SUGP2: variants seen among roughly 807,000 people sequenced by gnomAD.
SUGP2 encodes SURP and G-patch domain containing 2, also known as SURP and G-patch domain-containing protein 2.
Under a neutral mutation model 90.5 loss-of-function variants are expected in SUGP2, and 24 were observed. The ratio of observed to expected loss-of-function variants is 0.27; its 90% CI spans 0.19 to 0.37. SUGP2 has a LOEUF of 0.37. SUGP2 is among the 10% of genes least tolerant of loss of function. SUGP2 has a pLI of 1.00. For missense variants in SUGP2, 1,233 were observed against 1,363.3 expected, an observed-to-expected ratio of 0.90 and a Z score of 1.51; for synonymous variants, 473 against 513.4, an observed-to-expected ratio of 0.92 and a Z score of 1.06.
At chr19:19,033,705 C>G (rs1474295126), upstream of SUGP2, 2 of 273,036 alleles carry the variant, frequency 7.3e-6, no homozygotes, top group African/African-American at 4.5e-5. Flanking sequence ...CGTGAGCGTC[C>G]CGGAAGGGGC....
At chr19:19,021,922 C>T (rs1474575143) in intron 3 of SUGP2, among the ~76,000 whole-genome samples, 2 of 152,146 alleles carry the variant, frequency 1.3e-5, no homozygotes, top group African/African-American at 4.8e-5. Context: ...GCTTCAGCTT[C>T]CCAAAGTGTT....
At chr19:19,000,942 C>T (rs1426302585) in intron 8 of SUGP2, among the ~76,000 whole-genome samples, 2 of 151,780 alleles carry the variant, frequency 1.3e-5, no homozygotes, top group East Asian at 1.9e-4. Context: ...TGGACTCAAG[C>T]GATCTGCCCA....
At chr19:19,008,529 G>T in intron 5 of SUGP2, 101 bp from the exon 6 acceptor site, 1 of 904,956 alleles carries the variant, frequency 1.1e-6, no homozygotes, top group Non-Finnish European at 1.8e-6. Flanking sequence ...TGGCCTGCAT[G>T]TCCCCTCCCT....
At chr19:19,015,511 C>CT (rs1310803096) in intron 4 of SUGP2, among the ~76,000 whole-genome samples, 6 of 151,700 alleles carry the variant, frequency 4.0e-5, no homozygotes, top group East Asian at 1.9e-4. Context: ...AATTCCTTCT[C>CT]TTTTTTTTGA....
intron 4 of SUGP2, 98 bp from the exon 5 acceptor site, chr19:19,010,440 TCA>T: frequency 6.8e-7 from 1 of 1,472,350 alleles, no homozygotes; most frequent in South Asian, 1.3e-5. Flanking sequence ...GGCCAACTCC[TCA>T]CTGTCCTCTC....
chr19:19,011,421 T>C (rs1015394697), intron 4 of SUGP2, among the ~76,000 whole-genome samples: 3 of 152,026 alleles, frequency 2.0e-5, no homozygotes, highest in African/African-American at 7.2e-5. Flanking sequence ...GTGCTGGGAT[T>C]ACAGGTGTGA....
In SUGP2 at chr19:19,022,922, G is replaced by C. The variant is rs750564800; in HGVS notation, c.1729+1697C>G. On this transcript the variant is annotated intron_variant, in intron 3 of 10. Coordinates refer to ENST00000452918, the MANE Select transcript of SUGP2 (RefSeq NM_001017392.5). ...ATGGAAGGTGAAAACCACATCGTGG[G>C]AAAAGTGCTTTCTCCCTATCACAAG... Among the ~76,000 whole-genome samples, 3 of 152,266 alleles carry C rather than the reference G, an allele frequency of 2.0e-5. No individual in the cohort carries two copies. In the East Asian group the frequency reaches 5.8e-4, roughly 29 times the overall value.
At chr19:18,996,742 G>T (rs1317169433) in intron 8 of SUGP2, among the ~76,000 whole-genome samples, 1 of 152,166 alleles carries the variant, frequency 6.6e-6, no homozygotes, top group Non-Finnish European at 1.5e-5. Context: ...AGTAGAGACG[G>T]GGTTTCGCCA....
chr19:19,001,451 T>A (rs544560085), intron 8 of SUGP2, among the ~76,000 whole-genome samples, 162 bp downstream of exon 8: 24 of 152,354 alleles, frequency 1.6e-4, no homozygotes, highest in Non-Finnish European at 1.5e-5. Flanking sequence ...AAAACAGTTT[T>A]CAAAAGCCCT....
intron 8 of SUGP2, among the ~76,000 whole-genome samples, chr19:19,000,162 G>A (rs974480809): frequency 2.6e-5 from 4 of 152,134 alleles, no homozygotes; most frequent in African/African-American, 4.8e-5. Context: ...ACCACCCCCC[G>A]GATTCCTCTG....
intron 2 of SUGP2, 21 bp downstream of exon 2, chr19:19,030,930 A>T: frequency 1.2e-6 from 2 of 1,601,792 alleles, no homozygotes; most frequent in South Asian, 1.1e-5. Context: ...CAACAACTAC[A>T]ACAACAACAC....
Position 19,009,905 on chromosome 19 carries a change from A to C in SUGP2, c.2288T>G (p.Val763Gly), listed in dbSNP as rs1470870308. The change falls in exon 5 of 11, where the codon GTG becomes GGG. Residue 763 changes from valine (V) to glycine (G), a missense_variant. This residue lies in a region of SUGP2 where 540 missense variants were observed against 542.6 expected (regional missense o/e 1.00). Transcript: ENST00000452918. The stretch of plus-strand genomic sequence containing the variant: ...GGTCTGAGGTGCTTCAGAGATGTCC[A>C]CTCCTGCTGGCTTGGGGGATGGGCC... ...ASGPSPKPAG[V>G]DISEAPQTSS... The C allele has an allele frequency of 8.7e-6, 14 of 1,613,640 alleles. No homozygotes were observed. The highest frequency in any genetic ancestry group is 1.2e-5 in the Non-Finnish European group (14 of 1,179,908).
At chr19:19,000,054 C>CT (rs2057769914) in intron 8 of SUGP2, among the ~76,000 whole-genome samples, 1 of 152,218 alleles carries the variant, frequency 6.6e-6, no homozygotes, top group Admixed American at 6.5e-5. Flanking sequence ...CCACAGGCTG[C>CT]TCTCCACCCT....
chr19:19,008,554 C>T (rs918459879), intron 5 of SUGP2, 126 bp from the exon 6 acceptor site: 55 of 760,202 alleles, frequency 7.2e-5, no homozygotes, highest in Admixed American at 2.6e-4. Flanking sequence ...CCTTGCCCTT[C>T]GTCACATGTG....
chr19:19,033,815 C>A (rs2059296176), upstream of SUGP2: 2 of 257,220 alleles, frequency 7.8e-6, no homozygotes, highest in Non-Finnish European at 1.5e-5. Flanking sequence ...CTCTGGGAGG[C>A]CAAGCCTAGG....
rs552329808 is a variant in SUGP2, at chr19:19,017,720, C to T, written c.1850+1389G>A. On this transcript the variant is annotated intron_variant, in intron 4 of 10. Coordinates refer to ENST00000452918, the MANE Select transcript of SUGP2 (RefSeq NM_001017392.5). ...CTGGGAAACAGAGGTTGTAGTGAGC[C>T]GAGATCACACCACTATACTCCAGCC... Among the ~76,000 whole-genome samples the T allele has an allele frequency of 1.5e-4, 22 of 150,648 alleles. No homozygotes were observed. The South Asian group carries it at 4.0e-3, about 27-fold the overall frequency.
At position 19,031,017 on chromosome 19, in the gene SUGP2, C is replaced by G. The variant is rs1395696432; in HGVS notation, c.55G>C (p.Ala19Pro). ...ETFDAVLQEKAKRYHMDASGE... is the reference protein window; with the variant it reads ...ETFDAVLQEKPKRYHMDASGE... The stretch of plus-strand genomic sequence containing the variant: ...CTGGCATCCATGTGATATCGTTTGG[C>G]TTTTTCTTGTAATACAGCATCAAAA... The change falls in exon 2 of 11, where the codon GCC becomes CCC. Residue 19 changes from alanine (A) to proline (P), a missense_variant. By Grantham distance (27) the Ala-to-Pro change is conservative. Around this residue, in one of 8 missense-constraint regions of SUGP2, gnomAD observed 418 missense variants for 399.9 expected, o/e 1.05. Coordinates refer to ENST00000452918, the MANE Select transcript of SUGP2 (RefSeq NM_001017392.5). 1 of 1,613,942 alleles carries G rather than the reference C, an allele frequency of 6.2e-7. No homozygotes were observed. Among genetic ancestry groups the G allele is most frequent in the East Asian group, 2.2e-5 (1 of 44,878 alleles).
chr19:19,030,289 A>G (rs1269207602), intron 2 of SUGP2, among the ~76,000 whole-genome samples: 1 of 152,184 alleles, frequency 6.6e-6, no homozygotes, highest in East Asian at 1.9e-4. Context: ...CGGGAGTTCG[A>G]GACCAGCCTG....
chr19:19,026,244 A>G lies in SUGP2; in HGVS notation c.122-18T>C, dbSNP rs1191486959. ...TAAGAGATCTGAAATAAACCATCCA[A>G]AAAAAAAAAAGAAGAAGCCAAAAGA... On this transcript the variant is annotated intron_variant, in intron 2 of 10. Coordinates refer to ENST00000452918, the MANE Select transcript of SUGP2 (RefSeq NM_001017392.5). The G allele has an allele frequency of 2.2e-6, 3 of 1,354,792 alleles. No individual in the cohort carries two copies. Among genetic ancestry groups the G allele is most frequent in the East Asian group, 2.5e-5 (1 of 39,508 alleles). 83.9% of individuals were successfully genotyped at this position (1,354,792 alleles called of 1,614,324 possible). A position where few individuals can be genotyped will look rare whatever the true frequency, so the allele number is the denominator to read the frequency against.
Sources: gnomAD v4.1 joint callset for allele counts (sites outside exome capture counted in the v4.1 genomes callset) on GRCh38, gnomAD v4.1.1 for gene constraint, gnomAD v4.1.1 regional missense constraint, MANE v1.5 for transcripts, NCBI Gene and HGNC (gene_info 2026-07-23, HGNC 2026-07-21) for gene names.